PPIP5K2: variants seen among roughly 807,000 people sequenced by gnomAD.
PPIP5K2 encodes inositol hexakisphosphate and diphosphoinositol-pentakisphosphate kinase 2.
Under a neutral mutation model 154.6 loss-of-function variants are expected in PPIP5K2, and 105 were observed. That is an observed-to-expected ratio of 0.68 (90% CI 0.58 to 0.80). PPIP5K2 has a LOEUF of 0.80. Ranked by LOEUF, PPIP5K2 falls within the 30% of genes least tolerant of loss-of-function variation. The probability of loss-of-function intolerance (pLI) is 0.00; values close to 1 mark genes in which losing one functional copy is unlikely to be tolerated. For missense variants in PPIP5K2, 992 were observed against 1,504.6 expected, an observed-to-expected ratio of 0.66 and a Z score of 5.64; for synonymous variants, 480 against 490.3, an observed-to-expected ratio of 0.98 and a Z score of 0.28.
At chr5:103,151,778 C>A (rs1206814808) in intron 9 of PPIP5K2, among the ~76,000 whole-genome samples, 3 of 151,930 alleles carry the variant, frequency 2.0e-5, no homozygotes, top group Admixed American at 6.6e-5. Flanking sequence ...GACTCTTTTG[C>A]ATGACAATTC....
chr5:103,196,261 A>G (rs1472876529), intron 30 of PPIP5K2, among the ~76,000 whole-genome samples: 5 of 152,152 alleles, frequency 3.3e-5, no homozygotes, highest in Admixed American at 2.0e-4. Context: ...AAGAACTTCA[A>G]TAACACTCTG....
At chr5:103,125,806 A>G (rs2149437970) in intron 1 of PPIP5K2, among the ~76,000 whole-genome samples, 1 of 152,130 alleles carries the variant, frequency 6.6e-6, no homozygotes, top group Admixed American at 6.5e-5. Context: ...GCTAATTTTT[A>G]TATTTTAGCA....
At chr5:103,173,824 G>A (rs782360443) in intron 20 of PPIP5K2, 34 bp from the exon 21 acceptor site, 1 of 1,310,098 alleles carries the variant, frequency 7.6e-7, no homozygotes, top group East Asian at 2.3e-5. Flanking sequence ...TGATTATATG[G>A]TTATGTTTGA....
chr5:103,146,618 T>C lies in PPIP5K2; in HGVS notation c.579T>C (p.Asp193=). The change falls in exon 6 of 31, where the codon GAT becomes GAC. Residue 193 remains aspartate, a synonymous_variant. Transcript: ENST00000358359. ...PFVEKPVSAE[D]HNVYIYYPTS... ...TAGAAAAGCCAGTCAGTGCAGAAGATCACAATGTTTACATTTATTACCCAA... is the reference window on the plus strand; with the variant it reads ...TAGAAAAGCCAGTCAGTGCAGAAGACCACAATGTTTACATTTATTACCCAA... 6.2e-7 allele frequency: 1 copy of C among 1,612,572 alleles called. No homozygotes were observed. The highest frequency in any genetic ancestry group is 8.5e-7 in the Non-Finnish European group (1 of 1,179,060).
intron 18 of PPIP5K2, among the ~76,000 whole-genome samples, 165 bp from the exon 19 acceptor site, chr5:103,167,907 G>C (rs782330517): frequency 3.3e-5 from 5 of 151,850 alleles, no homozygotes; most frequent in Non-Finnish European, 5.9e-5. Flanking sequence ...AACCCTTTAA[G>C]TCTAAAAGAT....
At position 103,201,744 on chromosome 5, in the gene PPIP5K2, C is replaced by G; in HGVS notation, c.*110C>G. The G allele has an allele frequency of 1.2e-6, 1 of 809,370 alleles. No individual in the cohort carries two copies. Among genetic ancestry groups the G allele is most frequent in the South Asian group, 1.8e-5 (1 of 55,428 alleles). The allele number at this position is 809,370 out of a possible 1,614,324, so 50.1% of individuals were successfully genotyped here. A position where few individuals can be genotyped will look rare whatever the true frequency, so the allele number is the denominator to read the frequency against. The stretch of plus-strand genomic sequence containing the variant: ...AAAATGTTTTTAAATCTAAGGTTTT[C>G]TTTGTTTATGTTCAGGTAAGGAACT... On this transcript the variant is annotated 3_prime_UTR_variant, in exon 31 of 31. Coordinates refer to ENST00000358359, the MANE Select transcript of PPIP5K2 (RefSeq NM_001276277.3).
chr5:103,185,056 T>G (rs1481464240), intron 26 of PPIP5K2, among the ~76,000 whole-genome samples: 4 of 152,168 alleles, frequency 2.6e-5, no homozygotes, highest in Non-Finnish European at 5.9e-5. Flanking sequence ...TTTTCCCAGT[T>G]GATAAAGATG....
At chr5:103,171,758 T>C (rs148830793) in intron 19 of PPIP5K2, among the ~76,000 whole-genome samples, 1 of 151,768 alleles carries the variant, frequency 6.6e-6, no homozygotes, top group African/African-American at 2.4e-5. Context: ...TTTATTTACA[T>C]ATAATTGCTT....
At chr5:103,167,425 GA>G in intron 18 of PPIP5K2, 105 bp downstream of exon 18, 2 of 1,001,234 alleles carry the variant, frequency 2.0e-6, no homozygotes, top group Non-Finnish European at 2.8e-6. Flanking sequence ...AGCCTCTCTT[GA>G]GAGCTATGTA....
intron 26 of PPIP5K2, 121 bp from the exon 27 acceptor site, chr5:103,186,198 TC>T (rs1580418914): frequency 4.9e-6 from 6 of 1,228,200 alleles, no homozygotes; most frequent in East Asian, 5.0e-5. Context: ...GTGAGCCTGT[TC>T]AAGGCACTTC....
intron 30 of PPIP5K2, among the ~76,000 whole-genome samples, chr5:103,196,632 C>G (rs1252181800): frequency 7.9e-5 from 12 of 151,948 alleles, no homozygotes; most frequent in African/African-American, 2.9e-4. Context: ...AGTCAGTAGA[C>G]CTAGGATTTG....
intron 24 of PPIP5K2, among the ~76,000 whole-genome samples, chr5:103,180,436 A>G (rs1030037978): frequency 6.6e-6 from 1 of 152,188 alleles, no homozygotes; most frequent in African/African-American, 2.4e-5. Context: ...AGCTGTTTCT[A>G]GGAACTTGAA....
chr5:103,196,829 T>C (rs782271654), intron 30 of PPIP5K2, among the ~76,000 whole-genome samples: 3 of 152,016 alleles, frequency 2.0e-5, no homozygotes, highest in Non-Finnish European at 4.4e-5. Flanking sequence ...TCTATAAAAT[T>C]CTCTGAGGAA....
intron 8 of PPIP5K2, among the ~76,000 whole-genome samples, chr5:103,150,218 T>G (rs1304286752): frequency 6.6e-6 from 1 of 152,210 alleles, no homozygotes; most frequent in East Asian, 1.9e-4. Context: ...CTTAATAATT[T>G]GAAGTGTCTT....
chr5:103,121,783 A>G (rs1431621944), intron 1 of PPIP5K2, among the ~76,000 whole-genome samples: 8 of 152,242 alleles, frequency 5.3e-5, no homozygotes, highest in South Asian at 4.1e-4. Context: ...TTAAATTCAT[A>G]TGACTTTCAG....
In PPIP5K2 at chr5:103,190,896, A is replaced by G; in HGVS notation, c.3407A>G (p.Asn1136Ser). 6.2e-7 allele frequency: 1 copy of G among 1,610,214 alleles called. No homozygotes were observed. Among genetic ancestry groups the G allele is most frequent in the Non-Finnish European group, 8.5e-7 (1 of 1,177,860 alleles). ...PSICPLETLH[N>S]ALSLKQVDEF... ...ATTTGTCCTCTAGAAACTCTTCATAATGCCCTATCTTTAAAGCAAGTGGAT... is the reference window on the plus strand; with the variant it reads ...ATTTGTCCTCTAGAAACTCTTCATAGTGCCCTATCTTTAAAGCAAGTGGAT... The change falls in exon 29 of 31, where the codon AAT becomes AGT. Residue 1136 changes from asparagine to serine, a missense_variant. By Grantham distance (46) the Asn-to-Ser change is conservative (BLOSUM62 1). Around this residue, in one of 9 missense-constraint regions of PPIP5K2, gnomAD observed 29 missense variants for 56.4 expected, o/e 0.51. Coordinates refer to ENST00000358359, the MANE Select transcript of PPIP5K2 (RefSeq NM_001276277.3).
intron 28 of PPIP5K2, chr5:103,189,323 A>T (rs1800865812): frequency 1.0e-6 from 1 of 979,602 alleles, no homozygotes; most frequent in Non-Finnish European, 1.5e-6. Flanking sequence ...TTTATTAAAG[A>T]TAAGTGGAAA....
At chr5:103,183,460 A>G in intron 25 of PPIP5K2, 53 bp downstream of exon 25, 1 of 1,477,718 alleles carries the variant, frequency 6.8e-7, no homozygotes, top group South Asian at 1.2e-5. Flanking sequence ...TCAGAGCAAC[A>G]AACAGCTGTC....
intron 21 of PPIP5K2, 75 bp from the exon 22 acceptor site, chr5:103,177,592 T>C (rs1798910201): frequency 1.1e-6 from 1 of 951,994 alleles, no homozygotes; most frequent in Admixed American, 2.5e-5. Flanking sequence ...TTAAACAAGC[T>C]ACCATAGTGA....
Sources: gnomAD v4.1 joint callset for allele counts (sites outside exome capture counted in the v4.1 genomes callset) on GRCh38, gnomAD v4.1.1 for gene constraint, gnomAD v4.1.1 regional missense constraint, MANE v1.5 for transcripts, NCBI Gene and HGNC (gene_info 2026-07-23, HGNC 2026-07-21) for gene names.